The following PCSK5 variants were observed in gnomAD, a reference collection of about 807,000 sequenced individuals.
The protein encoded by PCSK5 is proprotein convertase subtilisin/kexin type 5.
A neutral mutation model predicts 233.2 loss-of-function variants in PCSK5; 129 were observed. The observed-to-expected ratio is 0.55, with a 90% CI of 0.48 to 0.64. PCSK5 has a LOEUF of 0.64. Among genes scored for constraint, PCSK5 ranks in the 30% least tolerant of loss-of-function variants. The probability of loss-of-function intolerance (pLI) is 0.00; values close to 1 mark genes in which losing one functional copy is unlikely to be tolerated. For synonymous variants in PCSK5, 825 were observed against 879.2 expected (o/e 0.94, Z 1.09); for missense variants, 2,076 against 2,430.1 (o/e 0.85, Z 3.06).
intron 24 of PCSK5, among the ~76,000 whole-genome samples, chr9:76,281,046 A>G (rs1827848148): frequency 1.3e-5 from 2 of 152,182 alleles, no homozygotes; most frequent in Admixed American, 6.5e-5. Flanking sequence ...AAGCTAGCAG[A>G]GGTTAGTTCA....
chr9:76,192,796 G>A lies in PCSK5; in HGVS notation c.2626+3050G>A, dbSNP rs1335713520. Among the ~76,000 whole-genome samples, 3 of 152,216 alleles carry A rather than the reference G, an allele frequency of 2.0e-5. No homozygotes were observed. In the East Asian group the frequency reaches 5.8e-4, roughly 29 times the overall value. ...ATTCTAATTGATAAGACAATATTGT[G>A]TCACAGTTTAATATGAAGCATCTTT... On this transcript the variant is annotated intron_variant, in intron 20 of 37. Transcript: ENST00000674117.
chr9:76,095,569 C>T (rs1179210808), intron 7 of PCSK5, among the ~76,000 whole-genome samples: 1 of 152,164 alleles, frequency 6.6e-6, no homozygotes, highest in Non-Finnish European at 1.5e-5. Flanking sequence ...TTCTCCACAG[C>T]ATAACGGGGA....
chr9:76,205,426 G>T (rs1825075699), intron 20 of PCSK5, among the ~76,000 whole-genome samples: 1 of 152,174 alleles, frequency 6.6e-6, no homozygotes, highest in African/African-American at 2.4e-5. Flanking sequence ...TGATGAACAG[G>T]TACATCATTC....
intron 1 of PCSK5, among the ~76,000 whole-genome samples, chr9:75,929,164 A>G (rs1185483015): frequency 6.6e-6 from 1 of 151,994 alleles, no homozygotes; most frequent in African/African-American, 2.4e-5. Flanking sequence ...TGATCTCTTC[A>G]CCTCATGATC....
chr9:76,021,516 A>T (rs1457665870), intron 3 of PCSK5, among the ~76,000 whole-genome samples: 3 of 151,980 alleles, frequency 2.0e-5, no homozygotes, highest in Non-Finnish European at 2.9e-5. Flanking sequence ...AATAGTAGAG[A>T]GTGTGTGTTC....
intron 26 of PCSK5, 61 bp from the exon 27 acceptor site, chr9:76,296,604 A>T: frequency 9.0e-7 from 1 of 1,108,684 alleles, no homozygotes; most frequent in Non-Finnish European, 1.4e-6. Flanking sequence ...CAGCCTCTTT[A>T]GAACTTGGCC....
At position 76,328,192 on chromosome 9, in the gene PCSK5, C is replaced by T. The variant is rs753582703; in HGVS notation, c.4523C>T (p.Pro1508Leu). The T allele has an allele frequency of 1.4e-5, 22 of 1,612,662 alleles. No individual in the cohort carries two copies. The highest frequency in any genetic ancestry group is 6.7e-5 in the Admixed American group (4 of 59,992). Residue 1508 changes from proline to leucine, a missense_variant, in exon 33 of 38, where the codon CCG becomes CTG. By Grantham distance (98) the Pro-to-Leu change is moderately conservative. Transcript: ENST00000674117. ...CHVKCFHCMG[P>L]AEDQCQTCPM... ...GTTAAGTGCTTCCACTGCATGGGGC[C>T]GGCGGAGGACCAGTGTCAAACATGC...
At chr9:76,294,699 G>T (rs1019019373) in intron 25 of PCSK5, among the ~76,000 whole-genome samples, 25 of 152,020 alleles carry the variant, frequency 1.6e-4, no homozygotes, top group Admixed American at 1.6e-3. Context: ...CACATAATCA[G>T]TACTCTATAA....
intron 1 of PCSK5, among the ~76,000 whole-genome samples, chr9:75,925,295 C>CA (rs1258482047): frequency 6.6e-6 from 1 of 152,124 alleles, no homozygotes; most frequent in Non-Finnish European, 1.5e-5. Flanking sequence ...GTGATTTACC[C>CA]AAAAAGGGCT....
At chr9:76,109,580 T>G (rs1832124812) in intron 9 of PCSK5, among the ~76,000 whole-genome samples, 2 of 151,644 alleles carry the variant, frequency 1.3e-5, no homozygotes, top group Admixed American at 1.3e-4. Context: ...TTTTTTTCTC[T>G]TTTGCGTTTT....
intron 32 of PCSK5, 92 bp from the exon 33 acceptor site, chr9:76,327,917 G>A: frequency 2.5e-6 from 2 of 797,554 alleles, no homozygotes; most frequent in Admixed American, 1.7e-5. Flanking sequence ...AAATGTGAAA[G>A]GAATGTGAAG....
chr9:76,056,717 G>T (rs1829831002), intron 5 of PCSK5, among the ~76,000 whole-genome samples: 1 of 152,184 alleles, frequency 6.6e-6, no homozygotes, highest in South Asian at 2.1e-4. Flanking sequence ...TAAAAATTAT[G>T]TAACAAATTG....
Position 76,279,233 on chromosome 9 carries a change from G to A in PCSK5, c.3143-13000G>A, listed in dbSNP as rs555104473. Among the ~76,000 whole-genome samples the A allele has an allele frequency of 4.3e-3, 646 of 150,692 alleles. 5 individuals are homozygous for A. Among genetic ancestry groups the A allele is most frequent in the African/African-American group, 0.015 (601 of 40,460 alleles). The stretch of plus-strand genomic sequence containing the variant: ...CAATTTCATCCATGTCCCTACATAG[G>A]ACATGAACTCATCATTTTTTATGGC... On this transcript the variant is annotated intron_variant, in intron 24 of 37. Transcript: ENST00000674117.
intron 5 of PCSK5, among the ~76,000 whole-genome samples, chr9:76,067,301 A>C (rs1345577249): frequency 6.6e-6 from 1 of 152,224 alleles, no homozygotes; most frequent in African/African-American, 2.4e-5. Flanking sequence ...AAAAGTAAAA[A>C]GGTAAAAACA....
chr9:75,998,605 C>T (rs1383857485), intron 3 of PCSK5, among the ~76,000 whole-genome samples: 3 of 152,164 alleles, frequency 2.0e-5, no homozygotes, highest in Admixed American at 6.5e-5. Flanking sequence ...AGAAACGTAA[C>T]GTCACTTGGT....
rs111236117 is a variant in PCSK5, at chr9:76,063,888, A to G, written c.633-4067A>G. Among the ~76,000 whole-genome samples, 5 of 60,856 alleles carry G rather than the reference A, an allele frequency of 8.2e-5. 1 individual carries two copies. Among genetic ancestry groups the G allele is most frequent in the African/African-American group, 2.6e-4 (2 of 7,592 alleles). The allele number at this position is 60,856 out of a possible 152,430, so 39.9% of individuals were successfully genotyped here. ...TGGTGGCCGGGCAGAGGGGCTCCTC[A>G]CTTCCCAGTAGGGGCAGCTGGGCAG... On this transcript the variant is annotated intron_variant, in intron 5 of 37. Coordinates refer to ENST00000674117, the MANE Select transcript of PCSK5 (RefSeq NM_001372043.1).
At chr9:76,046,155 CTTTTGTT>C (rs1829364161) in intron 5 of PCSK5, among the ~76,000 whole-genome samples, 77 of 55,690 alleles carry the variant, frequency 1.4e-3, no homozygotes, top group African/African-American at 4.0e-3. Flanking sequence ...ATAATTTTTT[CTTTTGTT>C]TTTTTTTTTT....
chr9:75,977,993 A>G (rs1215081158), intron 2 of PCSK5, among the ~76,000 whole-genome samples: 1 of 152,128 alleles, frequency 6.6e-6, no homozygotes, highest in Admixed American at 6.5e-5. Context: ...GAAAGATCAT[A>G]TCCTTCATTA....
At chr9:76,327,962 C>T in intron 32 of PCSK5, 47 bp from the exon 33 acceptor site, 1 of 1,236,096 alleles carries the variant, frequency 8.1e-7, no homozygotes, top group Non-Finnish European at 1.2e-6. Flanking sequence ...CCACGAGGGC[C>T]ACCCTGGCTC....
Sources: allele counts gnomAD v4.1 joint callset (sites outside exome capture counted in the v4.1 genomes callset), GRCh38; gene constraint gnomAD v4.1.1; transcripts MANE v1.5; gene names NCBI Gene and HGNC (gene_info 2026-07-23, HGNC 2026-07-21).